Variants in TXNDC12 observed in about 807,000 individuals in gnomAD.
The protein encoded by TXNDC12 is thioredoxin domain containing 12.
TXNDC12 carries 22 observed loss-of-function variants against 24.2 expected under a neutral mutation model. That is an observed-to-expected ratio of 0.91 (90% CI 0.65 to 1.30). The LOEUF is 1.30. Among genes scored for constraint, TXNDC12 ranks in the 50% most tolerant of loss-of-function variants. The probability of loss-of-function intolerance (pLI) is 0.00; values close to 1 mark genes in which losing one functional copy is unlikely to be tolerated. For missense variants in TXNDC12, 184 were observed against 205.8 expected (o/e 0.89, Z 0.65); for synonymous variants, 58 against 73.4 (o/e 0.79, Z 1.07).
chr1:52,049,501 G>A (rs1393937751), intron 1 of TXNDC12, among the ~76,000 whole-genome samples: 3 of 152,090 alleles, frequency 2.0e-5, no homozygotes, highest in Non-Finnish European at 2.9e-5. Context: ...CAAGAGAATC[G>A]CTTGAACCCA....
At chr1:52,023,985 A>T (rs1045392048) in intron 5 of TXNDC12, among the ~76,000 whole-genome samples, 3 of 151,114 alleles carry the variant, frequency 2.0e-5, no homozygotes, top group Non-Finnish European at 4.4e-5. Context: ...ATAAATGATC[A>T]AACTCTTTTT....
At chr1:52,051,380 T>A (rs1163288439) in intron 1 of TXNDC12, among the ~76,000 whole-genome samples, 1 of 151,994 alleles carries the variant, frequency 6.6e-6, no homozygotes, top group Admixed American at 6.6e-5. Context: ...CTAATTTATT[T>A]ATTTATTTTT....
chr1:52,038,706 G>C (rs1411596680), intron 2 of TXNDC12, among the ~76,000 whole-genome samples: 1 of 151,904 alleles, frequency 6.6e-6, no homozygotes, highest in Non-Finnish European at 1.5e-5. Context: ...CCTTCTTTTT[G>C]CTTTAAGTTG....
chr1:52,034,143 T>A, intron 2 of TXNDC12: 1 of 949,926 alleles, frequency 1.1e-6, no homozygotes, highest in Non-Finnish European at 1.4e-6. Context: ...TTCCTCCTCT[T>A]AAACCTACTG....
At chr1:52,046,986 T>G (rs1686108285) in intron 1 of TXNDC12, among the ~76,000 whole-genome samples, 1 of 151,458 alleles carries the variant, frequency 6.6e-6, no homozygotes, top group Admixed American at 6.6e-5. Context: ...AAGGTTGCAG[T>G]AAGCCAAGAT....
intron 2 of TXNDC12, chr1:52,033,882 T>C: frequency 7.0e-7 from 1 of 1,436,210 alleles, no homozygotes; most frequent in Non-Finnish European, 9.1e-7. Flanking sequence ...CAGACCCTCT[T>C]GTTTCTATGG....
intron 2 of TXNDC12, among the ~76,000 whole-genome samples, chr1:52,035,068 G>A (rs1307804965): frequency 2.6e-5 from 4 of 152,120 alleles, no homozygotes; most frequent in Non-Finnish European, 4.4e-5. Context: ...CTGGCCATCC[G>A]TTATTTTTAT....
chr1:52,055,156 G>A lies in TXNDC12; in HGVS notation c.-60C>T, dbSNP rs1686313278. 8.2e-7 allele frequency: 1 copy of A among 1,215,874 alleles called. No homozygotes were observed. The highest frequency in any genetic ancestry group is 1.2e-6 in the Non-Finnish European group (1 of 821,306). The allele number at this position is 1,215,874 out of a possible 1,614,324, so 75.3% of individuals were successfully genotyped here. ...ACGCAGGGCCGGAGTCCCAGCAGAC[G>A]GTCCACACAGTTCGCCGAGCGCCGC... On this transcript the variant is annotated 5_prime_UTR_variant, in exon 1 of 7. Transcript: ENST00000371626.
chr1:52,023,494 G>T lies in TXNDC12; in HGVS notation c.436C>A (p.Gln146Lys). The T allele has an allele frequency of 6.2e-7, 1 of 1,612,776 alleles. No individual in the cohort carries two copies. Among genetic ancestry groups the T allele is most frequent in the Non-Finnish European group, 8.5e-7 (1 of 1,178,836 alleles). Residue 146 changes from glutamine (Q) to lysine (K), a missense_variant, in exon 6 of 7, where the codon CAA becomes AAA. By Grantham distance (53) the Gln-to-Lys change is moderately conservative. Coordinates refer to ENST00000371626, the MANE Select transcript of TXNDC12 (RefSeq NM_015913.4). ...CCTCCCTTCAGCATAACTATACCTT[G>T]CTCGGCACTGACATAAAAATACTTG... ...SYKYFYVSAEQVVQGMKEAQE... is the reference protein window; with the variant it reads ...SYKYFYVSAEKVVQGMKEAQE...
intron 2 of TXNDC12, chr1:52,033,196 G>A (rs138486051): frequency 3.1e-6 from 5 of 1,614,210 alleles, no homozygotes; most frequent in South Asian, 1.1e-5. Flanking sequence ...TGAATCCGGA[G>A]TCACAAGAGC....
At chr1:52,053,135 T>C (rs983360498) in intron 1 of TXNDC12, among the ~76,000 whole-genome samples, 3 of 150,528 alleles carry the variant, frequency 2.0e-5, no homozygotes, top group African/African-American at 7.3e-5. Context: ...TAGTGGCACA[T>C]GCCTGTAGTC....
chr1:52,033,816 C>G, intron 2 of TXNDC12: 1 of 1,490,036 alleles, frequency 6.7e-7, no homozygotes, highest in South Asian at 1.3e-5. Flanking sequence ...GGGTTGTACG[C>G]GTCTCCGACG....
chr1:52,028,780 A>T, intron 2 of TXNDC12, 150 bp from the exon 3 acceptor site: 1 of 713,210 alleles, frequency 1.4e-6, no homozygotes, highest in Non-Finnish European at 2.4e-6. Context: ...AATTGCTGTA[A>T]CAAAATTATT....
rs116767387 is a variant in TXNDC12 at position 52,034,642 on chromosome 1, G to A, written c.159-6012C>T. On this transcript the variant is annotated intron_variant, in intron 2 of 6. Coordinates refer to ENST00000371626, the MANE Select transcript of TXNDC12 (RefSeq NM_015913.4). ...TTTTTTCTTTTTTAGAGATGAGGTT[G>A]TATGTTGCTAAGGCTGGTCTCAAAC... Among the ~76,000 whole-genome samples the A allele has an allele frequency of 7.8e-3, 1,186 of 152,172 alleles. 16 individuals carry two copies. Among genetic ancestry groups the A allele is most frequent in the African/African-American group, 0.027 (1,140 of 41,502 alleles).
At chr1:52,037,568 G>T (rs1040709235) in intron 2 of TXNDC12, among the ~76,000 whole-genome samples, 10 of 152,168 alleles carry the variant, frequency 6.6e-5, no homozygotes, top group African/African-American at 2.2e-4. Flanking sequence ...TGGGTGGCCA[G>T]AGTATTGTCC....
At chr1:52,035,437 T>C (rs1411896927) in intron 2 of TXNDC12, among the ~76,000 whole-genome samples, 1 of 152,162 alleles carries the variant, frequency 6.6e-6, no homozygotes, top group Non-Finnish European at 1.5e-5. Flanking sequence ...AGGCCCGGCA[T>C]GGTGGCTCGC....
chr1:52,054,945 T>C, intron 1 of TXNDC12, 55 bp downstream of exon 1: 1 of 1,350,774 alleles, frequency 7.4e-7, no homozygotes, highest in Non-Finnish European at 1.1e-6. Flanking sequence ...GAAGAGATTA[T>C]ACTGGGATCA....
chr1:52,047,728 C>G (rs566741447), intron 1 of TXNDC12, among the ~76,000 whole-genome samples: 1 of 149,768 alleles, frequency 6.7e-6, no homozygotes, highest in African/African-American at 2.4e-5. Flanking sequence ...CAGGATGAGA[C>G]TCTATCTCTA....
intron 2 of TXNDC12, 43 bp downstream of exon 2, chr1:52,041,494 A>T (rs1473067166): frequency 1.4e-6 from 2 of 1,431,616 alleles, no homozygotes; most frequent in Admixed American, 3.5e-5. Flanking sequence ...GATAGCTGAA[A>T]AGTGTTTTAC....
Sources: gnomAD v4.1 joint callset for allele counts (sites outside exome capture counted in the v4.1 genomes callset) on GRCh38, gnomAD v4.1.1 for gene constraint, MANE v1.5 for transcripts, NCBI Gene and HGNC (gene_info 2026-07-23, HGNC 2026-07-21) for gene names.